Variants in TNIK observed in about 807,000 individuals in gnomAD.
The protein encoded by TNIK is TRAF2 and NCK interacting kinase.
In TNIK, 49 loss-of-function variants were observed where a neutral mutation model predicts 191.3. The ratio of observed to expected loss-of-function variants is 0.26; its 90% CI spans 0.20 to 0.32. TNIK has a LOEUF of 0.32. Among genes scored for constraint, TNIK ranks in the 10% least tolerant of loss-of-function variants. TNIK has a pLI of 1.00. For missense variants in TNIK, 1,155 were observed against 1,702.3 expected, an observed-to-expected ratio of 0.68 and a Z score of 5.66; for synonymous variants, 594 against 600.9, an observed-to-expected ratio of 0.99 and a Z score of 0.17.
At chr3:171,100,724 A>C (rs1004167087) in intron 22 of TNIK, among the ~76,000 whole-genome samples, 2 of 150,192 alleles carry the variant, frequency 1.3e-5, no homozygotes, top group African/African-American at 4.9e-5. Context: ...GAAAAAAAAA[A>C]AATGAACTTT....
intron 15 of TNIK, among the ~76,000 whole-genome samples, chr3:171,129,594 G>A (rs1024376963): frequency 1.3e-5 from 2 of 152,034 alleles, no homozygotes; most frequent in African/African-American, 4.8e-5. Flanking sequence ...CACATGTGGT[G>A]TTCATTCTTG....
At chr3:171,233,713 G>A (rs1228261960) in intron 2 of TNIK, among the ~76,000 whole-genome samples, 1 of 152,206 alleles carries the variant, frequency 6.6e-6, no homozygotes, top group African/African-American at 2.4e-5. Flanking sequence ...GATTGGATAT[G>A]TATTTCCCTT....
At chr3:171,207,168 AT>A (rs1201203009) in intron 4 of TNIK, among the ~76,000 whole-genome samples, 1 of 151,990 alleles carries the variant, frequency 6.6e-6, no homozygotes, top group Non-Finnish European at 1.5e-5. Context: ...TGAGATACTG[AT>A]TTTATTTCCT....
chr3:171,215,241 A>G (rs889675601), intron 3 of TNIK, among the ~76,000 whole-genome samples: 2 of 152,156 alleles, frequency 1.3e-5, no homozygotes, highest in Admixed American at 6.6e-5. Flanking sequence ...AAGGAAATAG[A>G]TAATTCCAGT....
chr3:171,285,296 T>C (rs968534220), intron 2 of TNIK, among the ~76,000 whole-genome samples: 7 of 152,222 alleles, frequency 4.6e-5, no homozygotes, highest in African/African-American at 1.4e-4. Flanking sequence ...AACAAACACA[T>C]CAGCCACTTA....
intron 2 of TNIK, among the ~76,000 whole-genome samples, chr3:171,356,000 C>A (rs568892692): frequency 2.0e-5 from 3 of 152,190 alleles, no homozygotes; most frequent in Admixed American, 1.3e-4. Context: ...TGGCCTTCCC[C>A]CTGCTTGGAA....
intron 28 of TNIK, among the ~76,000 whole-genome samples, chr3:171,072,630 T>C (rs1174472018): frequency 6.6e-6 from 1 of 152,084 alleles, no homozygotes. Context: ...AAAGAGGAAG[T>C]GAAATTATCT....
intron 2 of TNIK, among the ~76,000 whole-genome samples, chr3:171,268,062 G>T (rs985974403): frequency 2.0e-5 from 3 of 152,078 alleles, no homozygotes; most frequent in Non-Finnish European, 4.4e-5. Context: ...CTGGAAAACC[G>T]TCTCAAAACT....
intron 2 of TNIK, among the ~76,000 whole-genome samples, chr3:171,298,196 G>A (rs10155049): frequency 2.0e-5 from 3 of 151,996 alleles, no homozygotes; most frequent in African/African-American, 7.3e-5. Context: ...TGTACATGGA[G>A]CAACTGTAGT....
At chr3:171,317,656 A>G (rs2108321871) in intron 2 of TNIK, among the ~76,000 whole-genome samples, 2 of 152,294 alleles carry the variant, frequency 1.3e-5, no homozygotes, top group East Asian at 3.9e-4. Context: ...AGGGAAAGAA[A>G]GCTCTTTTCA....
intron 32 of TNIK, 100 bp downstream of exon 32, chr3:171,066,087 A>G: frequency 2.1e-6 from 3 of 1,447,562 alleles, no homozygotes; most frequent in Non-Finnish European, 1.9e-6. Flanking sequence ...TGTTTAACAC[A>G]GATGTGATTC....
At chr3:171,221,436 T>G (rs1742329157) in intron 3 of TNIK, among the ~76,000 whole-genome samples, 2 of 152,154 alleles carry the variant, frequency 1.3e-5, no homozygotes, top group Non-Finnish European at 2.9e-5. Context: ...CTCACATAGC[T>G]GTCACTTTCT....
At chr3:171,267,428 G>A (rs1366712498) in intron 2 of TNIK, among the ~76,000 whole-genome samples, 1 of 152,194 alleles carries the variant, frequency 6.6e-6, no homozygotes, top group Admixed American at 6.5e-5. Context: ...AAGCAGCTTG[G>A]CAAGACTGAA....
chr3:171,428,285 A>G lies in TNIK; in HGVS notation c.57+31722T>C, dbSNP rs76133775. On this transcript the variant is annotated intron_variant, in intron 1 of 32. Transcript: ENST00000436636. The stretch of plus-strand genomic sequence containing the variant: ...GATTATGGCTATATTTTTCAAGAAG[A>G]TAAAATACCAAAAAGGTTTTCTGAT... Among the ~76,000 whole-genome samples the G allele has an allele frequency of 6.0e-3, 917 of 152,290 alleles. 6 individuals are homozygous for G. The highest frequency in any genetic ancestry group is 0.021 in the African/African-American group (886 of 41,550).
intron 2 of TNIK, among the ~76,000 whole-genome samples, chr3:171,355,145 G>A (rs1044090229): frequency 1.3e-5 from 2 of 152,162 alleles, no homozygotes; most frequent in African/African-American, 4.8e-5. Flanking sequence ...CAAGGACAGA[G>A]CAGCCATGGC....
At chr3:171,228,285 A>G in intron 2 of TNIK, 64 bp from the exon 3 acceptor site, 1 of 1,594,352 alleles carries the variant, frequency 6.3e-7, no homozygotes, top group Non-Finnish European at 8.6e-7. Flanking sequence ...TTCAATTCCA[A>G]CAATAAAGAA....
chr3:171,281,523 C>T (rs1271564579), intron 2 of TNIK, among the ~76,000 whole-genome samples: 1 of 152,146 alleles, frequency 6.6e-6, no homozygotes. Flanking sequence ...TAGAATCTAC[C>T]ACATAGGACT....
At chr3:171,092,644 AC>A (rs1722216455) in intron 23 of TNIK, among the ~76,000 whole-genome samples, 1 of 152,266 alleles carries the variant, frequency 6.6e-6, no homozygotes, top group South Asian at 2.1e-4. Context: ...TTTAAAGGCT[AC>A]TTGAAAGATT....
intron 2 of TNIK, among the ~76,000 whole-genome samples, chr3:171,282,555 G>GCTGGTCCCGAACTC (rs1296847028): frequency 6.6e-6 from 1 of 151,972 alleles, no homozygotes; most frequent in Non-Finnish European, 1.5e-5. Flanking sequence ...TGTTGGCCAG[G>GCTGGTCCCGAACTC]CTGGTCCCGA....
Sources: gnomAD v4.1 joint callset for allele counts (sites outside exome capture counted in the v4.1 genomes callset) on GRCh38, gnomAD v4.1.1 for gene constraint, MANE v1.5 for transcripts, NCBI Gene and HGNC (gene_info 2026-07-23, HGNC 2026-07-21) for gene names.